CELF2: variants seen among roughly 807,000 people sequenced by gnomAD.
CELF2 encodes CUG triplet repeat RNA-binding protein 2.
A neutral mutation model predicts 62.6 loss-of-function variants in CELF2; 8 were observed. That is an observed-to-expected ratio of 0.13 (90% CI 0.07 to 0.23). CELF2 has a LOEUF of 0.23. Among genes scored for constraint, CELF2 ranks in the 10% least tolerant of loss-of-function variants. The pLI is 1.00. For missense variants in CELF2, 333 were observed against 671.0 expected, an observed-to-expected ratio of 0.50 and a Z score of 5.56; for synonymous variants, 258 against 250.0, an observed-to-expected ratio of 1.03 and a Z score of -0.30.
chr10:11,167,472 C>T (rs970769492), intron 2 of CELF2, among the ~76,000 whole-genome samples: 1 of 152,222 alleles, frequency 6.6e-6, no homozygotes, highest in East Asian at 1.9e-4. Flanking sequence ...AGCTCACTTA[C>T]TGTTATGATG....
At chr10:10,514,119 T>A in the CELF2 span, among the ~76,000 whole-genome samples, 2 of 152,232 alleles carry the variant, frequency 1.3e-5, no homozygotes, top group Non-Finnish European at 2.9e-5. Context: ...ACAGAACTCC[T>A]GGGAGCTTTC....
chr10:10,799,968 C>A (rs2054493895), intron 1 of CELF2, among the ~76,000 whole-genome samples: 1 of 152,180 alleles, frequency 6.6e-6, no homozygotes, highest in South Asian at 2.1e-4. Flanking sequence ...TAGACCAGAA[C>A]CCAAACAGGA....
At chr10:11,221,501 T>C (rs753010624) in intron 3 of CELF2, among the ~76,000 whole-genome samples, 3 of 152,242 alleles carry the variant, frequency 2.0e-5, no homozygotes, top group African/African-American at 7.2e-5. Context: ...CTTGTGCCGG[T>C]GTCAGCACCG....
At chr10:10,739,646 C>T in the CELF2 span, among the ~76,000 whole-genome samples, 1 of 152,114 alleles carries the variant, frequency 6.6e-6, no homozygotes, top group Non-Finnish European at 1.5e-5. Flanking sequence ...CCACTGTTGC[C>T]CTTTTCTCTT....
chr10:11,264,824 T>C (rs2081700016), intron 5 of CELF2, among the ~76,000 whole-genome samples: 1 of 152,194 alleles, frequency 6.6e-6, no homozygotes, highest in Non-Finnish European at 1.5e-5. Context: ...GATAGTAAGC[T>C]TCATCAGCTG....
rs1266181176 is a variant in CELF2, at chr10:10,798,666, C to T, written c.-99C>T. 1.8e-5 allele frequency: 7 copies of T among 398,470 alleles called. No individual in the cohort carries two copies. In the Admixed American group the frequency reaches 3.1e-4, roughly 18 times the overall value. 24.7% of individuals were successfully genotyped at this position (398,470 alleles called of 1,614,324 possible). A position where few individuals can be genotyped will look rare whatever the true frequency, so the allele number is the denominator to read the frequency against. ...GCCCGGGAAGGAGGGAGCCGCGGGG[C>T]GCCAGGGCCCGGCCTGGGTCCAGAA... On this transcript the variant is annotated 5_prime_UTR_variant, in exon 1 of 14. Coordinates refer to the CELF2 transcript ENST00000636488.
the CELF2 span, among the ~76,000 whole-genome samples, chr10:10,664,368 T>C: frequency 2.0e-5 from 3 of 152,166 alleles, no homozygotes; most frequent in African/African-American, 7.2e-5. Context: ...AAAGTGATAT[T>C]TTTAAAAAGC....
intron 1 of CELF2, among the ~76,000 whole-genome samples, chr10:10,904,821 A>G (rs772576380): frequency 2.6e-5 from 4 of 152,214 alleles, no homozygotes; most frequent in Admixed American, 6.5e-5. Context: ...ATGTGCATAT[A>G]TACACCTTTG....
chr10:11,280,572 C>T lies in CELF2; in HGVS notation c.841+5452C>T, dbSNP rs1445680370. ...TCGTTGCCAGGGAAGGGCCCAGGAA[C>T]ACTGGGGCCAAGACAGTCCCCACGC... is the stretch of plus-strand genomic sequence containing the variant. On this transcript the variant is annotated intron_variant, in intron 8 of 12. Coordinates refer to ENST00000633077, the MANE Select transcript of CELF2 (RefSeq NM_001326342.2). This position sits in a 1 kb window ranked among gnomAD's most constrained non-coding sequence, Gnocchi z 7.6. Among the ~76,000 whole-genome samples, 1 of 152,202 alleles carries T rather than the reference C, an allele frequency of 6.6e-6. No individual in the cohort carries two copies. Among genetic ancestry groups the T allele is most frequent in the Non-Finnish European group, 1.5e-5 (1 of 68,034 alleles).
the CELF2 span, among the ~76,000 whole-genome samples, chr10:10,469,921 A>C: frequency 1.3e-5 from 2 of 151,874 alleles, no homozygotes; most frequent in African/African-American, 4.8e-5. Flanking sequence ...AGTAATCCCA[A>C]GTACAGGTTG....
At chr10:11,020,008 A>G (rs557384036) in intron 1 of CELF2, among the ~76,000 whole-genome samples, 6 of 152,348 alleles carry the variant, frequency 3.9e-5, no homozygotes, top group East Asian at 1.9e-4. Flanking sequence ...TAAAGTGTTA[A>G]TGGCCTCAGA....
chr10:10,812,699 A>G (rs957457792), intron 1 of CELF2, among the ~76,000 whole-genome samples: 5 of 152,198 alleles, frequency 3.3e-5, no homozygotes, highest in African/African-American at 4.8e-5. Flanking sequence ...AGGTGGAAGT[A>G]AGATTTTCTT....
At chr10:10,818,676 C>A (rs1308970135) in intron 1 of CELF2, among the ~76,000 whole-genome samples, 2 of 151,816 alleles carry the variant, frequency 1.3e-5, no homozygotes, top group African/African-American at 4.8e-5. Context: ...GCCTCAGCCT[C>A]CTGAGTAGCT....
the CELF2 span, among the ~76,000 whole-genome samples, chr10:10,545,645 G>A: frequency 6.6e-6 from 1 of 151,936 alleles, no homozygotes; most frequent in Non-Finnish European, 1.5e-5. Flanking sequence ...ATTATCCTCA[G>A]GATGAATATC....
At chr10:11,257,247 T>G (rs2079047248) in intron 4 of CELF2, among the ~76,000 whole-genome samples, 1 of 151,120 alleles carries the variant, frequency 6.6e-6, no homozygotes. Context: ...TGTGAAAAGT[T>G]TCATTCGCTG....
At chr10:11,272,991 G>A (rs550050540) in intron 7 of CELF2, among the ~76,000 whole-genome samples, 15 of 152,162 alleles carry the variant, frequency 9.9e-5, no homozygotes, top group East Asian at 3.9e-4. Flanking sequence ...AAATCAAACC[G>A]AAATAAGGCC....
intron 2 of CELF2, among the ~76,000 whole-genome samples, chr10:11,199,164 G>C (rs2058657052): frequency 6.6e-6 from 1 of 152,160 alleles, no homozygotes; most frequent in African/African-American, 2.4e-5. Context: ...TAGAACCCAA[G>C]ACCATGATCT....
chr10:11,029,770 A>G (rs1311754060), intron 1 of CELF2, among the ~76,000 whole-genome samples: 1 of 152,270 alleles, frequency 6.6e-6, no homozygotes, highest in Non-Finnish European at 1.5e-5. Context: ...ATGTTTCTGT[A>G]CAAATTAATT....
At chr10:11,266,839 CTCTCTT>C (rs1418956220) in intron 6 of CELF2, among the ~76,000 whole-genome samples, 162 bp downstream of exon 6, 1 of 152,198 alleles carries the variant, frequency 6.6e-6, no homozygotes, top group African/African-American at 2.4e-5. Flanking sequence ...CTCTCTCTCT[CTCTCTT>C]TCTCTATGCA....
Sources: gnomAD v4.1 joint callset for allele counts (sites outside exome capture counted in the v4.1 genomes callset) on GRCh38, gnomAD v4.1.1 for gene constraint, Gnocchi (gnomAD v3.1) non-coding constraint, MANE v1.5 for transcripts, NCBI Gene and HGNC (gene_info 2026-07-23, HGNC 2026-07-21) for gene names.